Variants in ZNF782 observed in about 807,000 individuals in gnomAD.
ZNF782 encodes zinc finger protein 782.
A neutral mutation model predicts 13.0 loss-of-function variants in ZNF782; 12 were observed. That is an observed-to-expected ratio of 0.92 (90% CI 0.59 to 1.50). ZNF782 has a LOEUF of 1.50. ZNF782 is among the 40% of genes most tolerant of loss of function. ZNF782 has a pLI of 0.00. For missense variants in ZNF782, 770 were observed against 822.9 expected, an observed-to-expected ratio of 0.94 and a Z score of 0.79; for synonymous variants, 284 against 283.0, an observed-to-expected ratio of 1.00 and a Z score of -0.04.
At chr9:96,865,846 CTT>C (rs1322597938) in intron 1 of ZNF782, among the ~76,000 whole-genome samples, 1 of 152,100 alleles carries the variant, frequency 6.6e-6, no homozygotes, top group East Asian at 1.9e-4. Flanking sequence ...AAAAGTGACT[CTT>C]GTTATGTTTT....
chr9:96,911,510 G>GTTTTT, the ZNF782 span, among the ~76,000 whole-genome samples: 98 of 109,654 alleles, frequency 8.9e-4, 5 homozygotes, highest in East Asian at 0.018. Flanking sequence ...TTTTTTTTTT[G>GTTTTT]TTTTTGTTTT....
chr9:96,828,473 A>G (rs1850698262), intron 4 of ZNF782, among the ~76,000 whole-genome samples: 1 of 152,254 alleles, frequency 6.6e-6, no homozygotes, highest in African/African-American at 2.4e-5. Context: ...ATTACTAGGT[A>G]TGAACAGAAG....
chr9:96,869,463 T>G (rs1285706073), intron 1 of ZNF782, among the ~76,000 whole-genome samples: 1 of 152,206 alleles, frequency 6.6e-6, no homozygotes, highest in African/African-American at 2.4e-5. Context: ...TACTGTAATA[T>G]ACCACAGTGC....
At chr9:96,879,773 T>C (rs927443598), upstream of ZNF782, among the ~76,000 whole-genome samples, 8 of 152,250 alleles carry the variant, frequency 5.3e-5, no homozygotes, top group Non-Finnish European at 8.8e-5. Context: ...TTAATTTCAG[T>C]TTCCAACTGT....
At chr9:96,901,525 G>A in the ZNF782 span, among the ~76,000 whole-genome samples, 4 of 151,718 alleles carry the variant, frequency 2.6e-5, no homozygotes, top group Non-Finnish European at 4.4e-5. Flanking sequence ...TCCCACCTCG[G>A]CCTCCCAAAG....
chr9:96,824,104 A>T (rs1215536908), intron 5 of ZNF782, among the ~76,000 whole-genome samples: 1 of 151,714 alleles, frequency 6.6e-6, no homozygotes. Context: ...ACAACCAAAA[A>T]AGAGAATTTT....
the ZNF782 span, among the ~76,000 whole-genome samples, chr9:96,917,446 T>C: frequency 3.3e-5 from 5 of 151,836 alleles, no homozygotes; most frequent in Non-Finnish European, 5.9e-5. Context: ...AACTTTTTTT[T>C]TTTGAGACAG....
At chr9:96,855,838 T>A (rs1006140386), upstream of ZNF782, among the ~76,000 whole-genome samples, 1 of 152,236 alleles carries the variant, frequency 6.6e-6, no homozygotes, top group Non-Finnish European at 1.5e-5. Context: ...CCACACTGTT[T>A]TCCATTGTGG....
the ZNF782 span, among the ~76,000 whole-genome samples, chr9:96,914,328 G>A: frequency 1.3e-5 from 2 of 150,712 alleles, no homozygotes; most frequent in South Asian, 2.1e-4. Flanking sequence ...CACCATGTTG[G>A]CCAGGCTGGT....
chr9:96,908,468 C>G, the ZNF782 span, among the ~76,000 whole-genome samples: 370 of 150,528 alleles, frequency 2.5e-3, no homozygotes, highest in African/African-American at 8.2e-3. Flanking sequence ...AAATGAGAAA[C>G]AGTCTTGGAA....
chr9:96,933,012 C>G, the ZNF782 span, among the ~76,000 whole-genome samples: 3 of 144,718 alleles, frequency 2.1e-5, no homozygotes, highest in African/African-American at 5.2e-5. Context: ...GAGTCTCACT[C>G]TGTCGCCCAG....
At chr9:96,912,228 A>G in the ZNF782 span, among the ~76,000 whole-genome samples, 4 of 147,366 alleles carry the variant, frequency 2.7e-5, no homozygotes, top group Admixed American at 6.7e-5. Flanking sequence ...AAAACTAACT[A>G]AAAAACAGGC....
chr9:96,903,857 C>G, the ZNF782 span, among the ~76,000 whole-genome samples: 1 of 151,752 alleles, frequency 6.6e-6, no homozygotes, highest in Non-Finnish European at 1.5e-5. Context: ...CCTCCGCACC[C>G]GGCCATAACT....
intron 4 of ZNF782, among the ~76,000 whole-genome samples, chr9:96,842,675 C>A (rs1002794604): frequency 2.0e-5 from 3 of 152,014 alleles, no homozygotes; most frequent in Admixed American, 6.6e-5. Context: ...TTAGATAGGA[C>A]AACATTTTTA....
Position 96,819,470 on chromosome 9 carries a change from T to G in ZNF782, c.553A>C (p.Lys185Gln), listed in dbSNP as rs1478769761. 10 of 1,613,844 alleles carry G rather than the reference T, an allele frequency of 6.2e-6. No homozygotes were observed. The Admixed American group carries it at 1.5e-4, about 24-fold the overall frequency. ...ACAATTTTACTATAAGCGAAAGATT[T>G]CTCTTGAGTGTTAGTTCTGCCATCC... is the stretch of plus-strand genomic sequence containing the variant. ...IKDGRTNTQE[K>Q]SFAYSKIVKT... The change falls in exon 6 of 6, where the codon AAA (lysine) becomes CAA (glutamine). Residue 185 changes from lysine to glutamine, a missense_variant. Coordinates refer to ENST00000481138, the MANE Select transcript of ZNF782 (RefSeq NM_001001662.3).
the ZNF782 span, among the ~76,000 whole-genome samples, chr9:96,907,951 C>G: frequency 6.6e-6 from 1 of 151,576 alleles, no homozygotes; most frequent in East Asian, 1.9e-4. Flanking sequence ...TTGATAGTGT[C>G]TTAAAATTGA....
chr9:96,911,510 G>GTTTTTTTTTTTTTTTTTTTT, the ZNF782 span, among the ~76,000 whole-genome samples: 2 of 109,694 alleles, frequency 1.8e-5, no homozygotes, highest in African/African-American at 3.4e-5. Flanking sequence ...TTTTTTTTTT[G>GTTTTTTTTTTTTTTTTTTTT]TTTTTGTTTT....
the ZNF782 span, among the ~76,000 whole-genome samples, chr9:96,933,136 C>T: frequency 2.6e-5 from 4 of 151,496 alleles, no homozygotes; most frequent in African/African-American, 9.7e-5. Context: ...CGCCACCATG[C>T]CCGGCTAATT....
the ZNF782 span, among the ~76,000 whole-genome samples, chr9:96,903,558 T>TG: frequency 1.8e-3 from 187 of 104,344 alleles, 7 homozygotes; most frequent in African/African-American, 7.7e-3. Context: ...TTATGTTGGT[T>TG]TTTTTTTTTT....
Sources: gnomAD v4.1 joint callset for allele counts (sites outside exome capture counted in the v4.1 genomes callset) on GRCh38, gnomAD v4.1.1 for gene constraint, MANE v1.5 for transcripts, NCBI Gene and HGNC (gene_info 2026-07-23, HGNC 2026-07-21) for gene names.